IGF2BP3: variants seen among roughly 807,000 people sequenced by gnomAD.
The protein encoded by IGF2BP3 is insulin-like growth factor 2 mRNA-binding protein 3.
A neutral mutation model predicts 73.8 loss-of-function variants in IGF2BP3; 9 were observed. The observed-to-expected ratio is 0.12, with a 90% CI of 0.07 to 0.21. IGF2BP3 has a LOEUF of 0.21. Ranked by LOEUF, IGF2BP3 falls within the 10% of genes least tolerant of loss-of-function variation. The pLI, the probability that IGF2BP3 is intolerant of heterozygous loss-of-function variation, is 1.00. For missense variants in IGF2BP3, 542 were observed against 714.0 expected (o/e 0.76, Z 2.75); for synonymous variants, 258 against 256.7 (o/e 1.01, Z -0.05).
intron 3 of IGF2BP3, among the ~76,000 whole-genome samples, chr7:23,376,221 A>G (rs1308703195): frequency 2.6e-5 from 4 of 152,310 alleles, no homozygotes; most frequent in East Asian, 1.9e-4. Flanking sequence ...TGCTGGGAGG[A>G]GTGTTACTTG....
At position 23,431,812 on chromosome 7, in the gene IGF2BP3, G is replaced by A. The variant is rs1584037636; in HGVS notation, c.237-12988C>T. Among the ~76,000 whole-genome samples the A allele has an allele frequency of 3.3e-5, 5 of 151,670 alleles. No homozygotes were observed. In the South Asian group the frequency reaches 1.0e-3, roughly 32 times the overall value. Reference sequence around the variant, plus strand: ...TCTGGGGGTGGGGCAGGGGAACTTGGCCCCTCCCCCGCCAACCCACACACA... The same window carrying A: ...TCTGGGGGTGGGGCAGGGGAACTTGACCCCTCCCCCGCCAACCCACACACA... On this transcript the variant is annotated intron_variant, in intron 2 of 14. Transcript: ENST00000258729.
At chr7:23,355,801 C>T (rs937728397) in intron 5 of IGF2BP3, among the ~76,000 whole-genome samples, 7 of 151,908 alleles carry the variant, frequency 4.6e-5, no homozygotes, top group Admixed American at 3.3e-4. Context: ...GGCATGGTGG[C>T]GTGAGCCTAT....
At chr7:23,375,866 CCTTCAGGTGTGCAG>C (rs1465782607) in intron 3 of IGF2BP3, among the ~76,000 whole-genome samples, 1 of 152,176 alleles carries the variant, frequency 6.6e-6, no homozygotes, top group Admixed American at 6.5e-5. Context: ...AAGAATTAGT[CCTTCAGGTGTGCAG>C]CAGTTATCCT....
chr7:23,339,142 T>C lies in IGF2BP3; in HGVS notation c.1203+2922A>G, dbSNP rs1458249721. Among the ~76,000 whole-genome samples the C allele has an allele frequency of 4.6e-5, 7 of 152,250 alleles. No homozygotes were observed. The South Asian group carries it at 8.3e-4, about 18-fold the overall frequency. On this transcript the variant is annotated intron_variant, in intron 10 of 14. Transcript: ENST00000258729. ...TTCTGCAACTTCTGTTCTCATTTGC[T>C]CCTTCTAATTGCACCTATTTGATTT... is the stretch of plus-strand genomic sequence containing the variant.
intron 10 of IGF2BP3, among the ~76,000 whole-genome samples, chr7:23,340,994 C>A (rs1361739070): frequency 6.6e-6 from 1 of 151,872 alleles, no homozygotes; most frequent in Non-Finnish European, 1.5e-5. Context: ...GGATTACAGG[C>A]ACCTGCCACC....
chr7:23,428,346 C>G (rs1478538520), intron 2 of IGF2BP3, among the ~76,000 whole-genome samples: 1 of 151,182 alleles, frequency 6.6e-6, no homozygotes. Context: ...GTGGCATGCG[C>G]CTATAATCCC....
rs274055 is a variant in IGF2BP3, at chr7:23,351,333, G to T, written c.655C>A (p.Arg219=). The change falls in exon 6 of 15, where the codon CGG becomes AGG. Residue 219 remains arginine (R), a synonymous_variant. Transcript: ENST00000258729. The stretch of plus-strand genomic sequence containing the variant: ...GACTGGGTCTGTTTGGTGATGTTCC[G>T]AATGGTGGCACCTTCTTTTCCTATG... ...AIIGKEGATI[R]NITKQTQSKI... is the part of the protein sequence containing the mutation. 45,282 of 1,613,720 alleles carry T rather than the reference G, an allele frequency of 0.028. 1,222 individuals carry two copies. The highest frequency in any genetic ancestry group is 0.1 in the South Asian group (9,401 of 91,032).
chr7:23,331,883 A>G (rs1230083826), intron 10 of IGF2BP3, among the ~76,000 whole-genome samples: 1 of 151,896 alleles, frequency 6.6e-6, no homozygotes, highest in East Asian at 1.9e-4. Context: ...AGAAAAAAAA[A>G]AGGAGTTTAA....
chr7:23,317,587 C>A, intron 12 of IGF2BP3, 52 bp downstream of exon 12: 3 of 1,360,958 alleles, frequency 2.2e-6, no homozygotes, highest in Non-Finnish European at 3.2e-6. Flanking sequence ...AGGTTATGGA[C>A]TACCTGTGCA....
At chr7:23,377,352 T>A (rs1437290526) in intron 3 of IGF2BP3, among the ~76,000 whole-genome samples, 1 of 152,180 alleles carries the variant, frequency 6.6e-6, no homozygotes, top group African/African-American at 2.4e-5. Flanking sequence ...GATATACAGA[T>A]GACTAATAAG....
intron 2 of IGF2BP3, among the ~76,000 whole-genome samples, chr7:23,451,063 GT>G (rs1311491402): frequency 1.3e-5 from 2 of 152,138 alleles, no homozygotes; most frequent in Non-Finnish European, 2.9e-5. Flanking sequence ...GTAGTTACCA[GT>G]TTCCAGTTGC....
At chr7:23,356,921 G>C (rs1562696517) in intron 5 of IGF2BP3, among the ~76,000 whole-genome samples, 1 of 152,120 alleles carries the variant, frequency 6.6e-6, no homozygotes, top group African/African-American at 2.4e-5. Context: ...CTGTGGTGAG[G>C]ATCCAACACT....
chr7:23,411,348 A>C (rs1401510930), intron 3 of IGF2BP3, among the ~76,000 whole-genome samples: 3 of 152,166 alleles, frequency 2.0e-5, no homozygotes, highest in African/African-American at 7.2e-5. Flanking sequence ...TTGGGAGGCC[A>C]AAGTGGGTGG....
At chr7:23,449,316 G>A (rs1329910533) in intron 2 of IGF2BP3, among the ~76,000 whole-genome samples, 4 of 151,676 alleles carry the variant, frequency 2.6e-5, no homozygotes, top group Non-Finnish European at 1.5e-5. Flanking sequence ...AAGAGATCGC[G>A]ACCATCCTGG....
chr7:23,381,615 C>T (rs1047274223), intron 3 of IGF2BP3, among the ~76,000 whole-genome samples: 4 of 152,050 alleles, frequency 2.6e-5, no homozygotes, highest in South Asian at 2.1e-4. Flanking sequence ...GTCACCCAGG[C>T]TGCAGTGCAG....
At chr7:23,312,906 G>T in intron 13 of IGF2BP3, 58 bp from the exon 14 acceptor site, 1 of 1,061,816 alleles carries the variant, frequency 9.4e-7, no homozygotes, top group Non-Finnish European at 1.4e-6. Flanking sequence ...TACTTCCTAA[G>T]CACTTACTGT....
Position 23,386,939 on chromosome 7 carries a change from T to C in IGF2BP3, c.286-25198A>G, listed in dbSNP as rs370594805. ...AAAATTAAACAGGCATGGTGGCAAG[T>C]ACCTGTAATCCCAGCTACTGGGGAG... is the stretch of plus-strand genomic sequence containing the variant. On this transcript the variant is annotated intron_variant, in intron 3 of 14. Coordinates refer to ENST00000258729, the MANE Select transcript of IGF2BP3 (RefSeq NM_006547.3). Among the ~76,000 whole-genome samples, 26 of 151,846 alleles carry C rather than the reference T, an allele frequency of 1.7e-4. 1 individual carries two copies. Among genetic ancestry groups the C allele is most frequent in the Admixed American group, 9.2e-4 (14 of 15,240 alleles).
intron 12 of IGF2BP3, among the ~76,000 whole-genome samples, chr7:23,316,990 G>A (rs1784009095): frequency 6.6e-6 from 1 of 152,172 alleles, no homozygotes; most frequent in East Asian, 1.9e-4. Flanking sequence ...ACAGAAAAAG[G>A]TTAAGTAACT....
Position 23,417,330 on chromosome 7 carries a change from A to C in IGF2BP3, c.285+1446T>G, listed in dbSNP as rs1043905703. ...TTAATTAACTTTATCTTGCGTGCCC[A>C]TATTTGCCCATTTGAAAACAGAGAT... On this transcript the variant is annotated intron_variant, in intron 3 of 14. Coordinates refer to ENST00000258729, the MANE Select transcript of IGF2BP3 (RefSeq NM_006547.3). Among the ~76,000 whole-genome samples, 10 of 152,332 alleles carry C rather than the reference A, an allele frequency of 6.6e-5. No homozygotes were observed. In the East Asian group the frequency reaches 1.7e-3, roughly 26 times the overall value.
Sources: allele counts gnomAD v4.1 joint callset (sites outside exome capture counted in the v4.1 genomes callset), GRCh38; gene constraint gnomAD v4.1.1; transcripts MANE v1.5; gene names NCBI Gene and HGNC (gene_info 2026-07-23, HGNC 2026-07-21).